Variants in KCNC2 observed in about 807,000 individuals in gnomAD.
KCNC2 encodes the protein voltage-gated potassium channel KCNC2.
Under a neutral mutation model 44.5 loss-of-function variants are expected in KCNC2, and 21 were observed. The observed-to-expected ratio is 0.47, with a 90% CI of 0.33 to 0.68. The LOEUF (loss-of-function observed/expected upper bound fraction) is 0.68, where lower values mean the gene tolerates loss of function less well. Ranked by LOEUF, KCNC2 falls within the 30% of genes least tolerant of loss-of-function variation. The pLI, the probability that KCNC2 is intolerant of heterozygous loss-of-function variation, is 0.01. For missense variants in KCNC2, 589 were observed against 826.2 expected (o/e 0.71, Z 3.52); for synonymous variants, 391 against 339.1 (o/e 1.15, Z -1.68).
chr12:75,057,837 T>C (rs1239071633), intron 2 of KCNC2, among the ~76,000 whole-genome samples: 1 of 151,668 alleles, frequency 6.6e-6, no homozygotes, highest in Non-Finnish European at 1.5e-5. Context: ...CTGAGACAGA[T>C]GTGGTCCCTG....
intron 2 of KCNC2, among the ~76,000 whole-genome samples, chr12:75,150,259 A>G (rs1333160105): frequency 1.3e-5 from 2 of 151,886 alleles, no homozygotes; most frequent in Non-Finnish European, 2.9e-5. Context: ...TCTGCTTAAC[A>G]GTTTACTTTT....
intron 2 of KCNC2, among the ~76,000 whole-genome samples, chr12:75,106,334 T>C (rs1886780478): frequency 1.3e-5 from 2 of 152,000 alleles, no homozygotes; most frequent in Admixed American, 6.6e-5. Flanking sequence ...TTTTGAAAAG[T>C]TTTTTCTGTA....
chr12:75,138,102 C>G (rs924756608), intron 2 of KCNC2, among the ~76,000 whole-genome samples: 9 of 152,144 alleles, frequency 5.9e-5, no homozygotes, highest in Non-Finnish European at 1.3e-4. Context: ...ATCCTGCTAA[C>G]TTCATTTTTA....
At chr12:75,128,843 T>C (rs950207613) in intron 2 of KCNC2, among the ~76,000 whole-genome samples, 11 of 152,354 alleles carry the variant, frequency 7.2e-5, no homozygotes, top group Non-Finnish European at 1.3e-4. Context: ...ATGTTTTCTC[T>C]AGAGAAGATG....
chr12:75,112,068 T>G (rs2137241922), intron 2 of KCNC2, among the ~76,000 whole-genome samples: 1 of 152,090 alleles, frequency 6.6e-6, no homozygotes, highest in South Asian at 2.1e-4. Context: ...AAATATCTTT[T>G]TAATTAAAAT....
At chr12:75,161,243 T>C (rs538756305) in intron 2 of KCNC2, among the ~76,000 whole-genome samples, 3 of 151,850 alleles carry the variant, frequency 2.0e-5, no homozygotes, top group Non-Finnish European at 4.4e-5. Flanking sequence ...AGAAGTAAAC[T>C]AAAGTATTAA....
At chr12:75,159,571 A>G (rs1890987903) in intron 2 of KCNC2, among the ~76,000 whole-genome samples, 1 of 151,862 alleles carries the variant, frequency 6.6e-6, no homozygotes, top group South Asian at 2.1e-4. Flanking sequence ...TACTCAAACC[A>G]GCTGTGTTCA....
intron 2 of KCNC2, among the ~76,000 whole-genome samples, chr12:75,083,305 C>T (rs1269675855): frequency 1.3e-5 from 2 of 151,606 alleles, no homozygotes; most frequent in Non-Finnish European, 3.0e-5. Flanking sequence ...CTAATTAGTT[C>T]GTTAATTGTA....
chr12:75,124,524 A>G (rs1888264460), intron 2 of KCNC2, among the ~76,000 whole-genome samples: 1 of 152,204 alleles, frequency 6.6e-6, no homozygotes, highest in African/African-American at 2.4e-5. Context: ...TCGCAGATGT[A>G]TGATTCTGCA....
At chr12:75,147,683 C>G (rs919184482) in intron 2 of KCNC2, among the ~76,000 whole-genome samples, 4 of 152,118 alleles carry the variant, frequency 2.6e-5, no homozygotes, top group Non-Finnish European at 5.9e-5. Context: ...ACAGACATGA[C>G]ACATGGCTTG....
chr12:75,203,884 ACT>A (rs1196643501), intron 2 of KCNC2, among the ~76,000 whole-genome samples: 1 of 151,892 alleles, frequency 6.6e-6, no homozygotes, highest in Admixed American at 6.6e-5. Context: ...AAATCTAGAA[ACT>A]CTATCAAGGA....
chr12:75,046,729 C>T (rs1880563238), intron 4 of KCNC2, among the ~76,000 whole-genome samples: 1 of 151,596 alleles, frequency 6.6e-6, no homozygotes, highest in Non-Finnish European at 1.5e-5. Flanking sequence ...AGTAAACAAC[C>T]AAATAAATCT....
In KCNC2 at chr12:75,118,008, A is replaced by G. The variant is rs1887796364; in HGVS notation, c.688-66691T>C. ...ATTTGTCTATGTATGTCCCTACCCC[A>G]TCATGCTGGACTGTCTCAAAACAAG... On this transcript the variant is annotated intron_variant, in intron 2 of 4. Coordinates refer to ENST00000549446, the MANE Select transcript of KCNC2 (RefSeq NM_139137.4). 5.3e-5 allele frequency among the ~76,000 whole-genome samples: 8 copies of G among 152,154 alleles called. No homozygotes were observed. The South Asian group carries it at 1.7e-3, about 31-fold the overall frequency.
chr12:75,063,596 G>A (rs953013348), intron 2 of KCNC2, among the ~76,000 whole-genome samples: 8 of 152,024 alleles, frequency 5.3e-5, no homozygotes, highest in African/African-American at 1.9e-4. Context: ...GTGATGGTGG[G>A]GGAGAGCTGA....
rs1317679411 is a variant in KCNC2, at chr12:75,050,536, G to A, written c.1469C>T (p.Pro490Leu). 1 of 1,613,508 alleles carries A rather than the reference G, an allele frequency of 6.2e-7. No homozygotes were observed. The highest frequency in any genetic ancestry group is 1.7e-5 in the Admixed American group (1 of 59,910). ...AGGGATGTGCTTCTTTCTTTTCCTT[G>A]GAAGTTTCTGCTTTGCCATTGCCAA... ...YSLAMAKQKL[P>L]RKRKKHIPPA... The change falls in exon 3 of 5, where the codon CCA (proline) becomes CTA (leucine). Residue 490 changes from proline to leucine, a missense_variant. Physicochemically the swap from Pro to Leu is moderately conservative, Grantham distance 98. Around this residue, in one of 7 missense-constraint regions of KCNC2, gnomAD observed 171 missense variants for 182.4 expected, o/e 0.94. Coordinates refer to ENST00000549446, the MANE Select transcript of KCNC2 (RefSeq NM_139137.4).
At chr12:75,094,738 A>G (rs1326069204) in intron 2 of KCNC2, among the ~76,000 whole-genome samples, 1 of 151,714 alleles carries the variant, frequency 6.6e-6, no homozygotes, top group Admixed American at 6.6e-5. Flanking sequence ...GATAAGGATT[A>G]ATTAGCTACA....
intron 1 of KCNC2, 89 bp from the exon 2 acceptor site, chr12:75,208,091 G>C (rs1167250861): frequency 6.7e-7 from 1 of 1,502,522 alleles, no homozygotes. Flanking sequence ...AGCGAGTCCA[G>C]GGATGCAGAG....
intron 2 of KCNC2, among the ~76,000 whole-genome samples, chr12:75,175,329 T>A (rs778717526): frequency 6.6e-6 from 1 of 151,970 alleles, no homozygotes; most frequent in Non-Finnish European, 1.5e-5. Flanking sequence ...GTTAAATGTG[T>A]AAGTTAAAAT....
In KCNC2 at chr12:75,051,212, T is replaced by A. The variant is rs199576961; in HGVS notation, c.793A>T (p.Ile265Phe). The change falls in exon 3 of 5, where the codon ATC (isoleucine) becomes TTC (phenylalanine). Residue 265 changes from isoleucine (I) to phenylalanine (F), a missense_variant. Ile to Phe is a conservative substitution (Grantham distance 21). Coordinates refer to ENST00000549446, the MANE Select transcript of KCNC2 (RefSeq NM_139137.4). ...TGTAGAACAACACTTGTGCCATTGATGACTGGTTCTGTCTTGTTTTTAACA... is the reference window on the plus strand; with the variant it reads ...TGTAGAACAACACTTGTGCCATTGAAGACTGGTTCTGTCTTGTTTTTAACA... ...NIVKNKTEPV[I>F]NGTSVVLQYE... is the part of the protein sequence containing the mutation. 40 of 1,612,986 alleles carry A rather than the reference T, an allele frequency of 2.5e-5. No individual in the cohort carries two copies. The highest frequency in any genetic ancestry group is 3.3e-5 in the Non-Finnish European group (39 of 1,179,184).
Sources: allele counts gnomAD v4.1 joint callset (sites outside exome capture counted in the v4.1 genomes callset), GRCh38; gene constraint gnomAD v4.1.1; regional missense constraint gnomAD v4.1.1; transcripts MANE v1.5; gene names NCBI Gene and HGNC (gene_info 2026-07-23, HGNC 2026-07-21).